ARK2N: variants seen among roughly 807,000 people sequenced by gnomAD.
ARK2N encodes the protein protein ARK2N.
At chr18:46,234,634 T>C in the ARK2N span, among the ~76,000 whole-genome samples, 2 of 152,098 alleles carry the variant, frequency 1.3e-5, no homozygotes, top group Non-Finnish European at 2.9e-5. Context: ...CCTCTTTCCC[T>C]CAGTCCCTCA....
At chr18:46,232,581 A>T in the ARK2N span, 2 of 152,180 alleles carry the variant, frequency 1.3e-5, no homozygotes, top group African/African-American at 4.8e-5. Context: ...AGTAACAGGG[A>T]ATAACTTCCA....
the ARK2N span, among the ~76,000 whole-genome samples, chr18:46,224,212 A>G: frequency 1.3e-5 from 2 of 152,208 alleles, no homozygotes. Flanking sequence ...TGTGCTCTCC[A>G]GAGGGGAAGG....
the ARK2N span, among the ~76,000 whole-genome samples, chr18:46,247,143 T>C: frequency 2.0e-5 from 3 of 152,128 alleles, no homozygotes; most frequent in Non-Finnish European, 2.9e-5. Context: ...TGAATAAAGT[T>C]AGAAGAATCT....
chr18:46,204,941 ATTTT>A, the ARK2N span, among the ~76,000 whole-genome samples: 2 of 81,466 alleles, frequency 2.5e-5, no homozygotes, highest in African/African-American at 9.0e-5. Context: ...TTTTTTTTTT[ATTTT>A]TTTTATTTTT....
the ARK2N span, among the ~76,000 whole-genome samples, chr18:46,246,227 C>T: frequency 6.6e-5 from 10 of 152,064 alleles, no homozygotes; most frequent in Admixed American, 2.0e-4. Context: ...CCTGTGAAGT[C>T]CTCCATGGGG....
At chr18:46,234,144 C>T in the ARK2N span, among the ~76,000 whole-genome samples, 2 of 152,112 alleles carry the variant, frequency 1.3e-5, no homozygotes, top group African/African-American at 4.8e-5. Flanking sequence ...GATATTTTTA[C>T]ACTTGATCTT....
the ARK2N span, among the ~76,000 whole-genome samples, chr18:46,179,765 AC>A: frequency 2.0e-5 from 3 of 151,986 alleles, no homozygotes; most frequent in Non-Finnish European, 4.4e-5. Flanking sequence ...AGCTGGGATT[AC>A]AGTCATGTGC....
At chr18:46,182,701 T>TTTTTTA in the ARK2N span, among the ~76,000 whole-genome samples, 1 of 149,384 alleles carries the variant, frequency 6.7e-6, no homozygotes, top group Non-Finnish European at 1.5e-5. Context: ...TTTTTTTTTT[T>TTTTTTA]TTTGCATTTG....
chr18:46,202,294 T>C, the ARK2N span, among the ~76,000 whole-genome samples: 93,362 of 152,072 alleles, frequency 0.61, 31,201 homozygotes, highest in Non-Finnish European at 0.74. Flanking sequence ...CCTCAGGATC[T>C]GATTGCCCTT....
the ARK2N span, among the ~76,000 whole-genome samples, chr18:46,257,226 G>T: frequency 6.6e-6 from 1 of 152,124 alleles, no homozygotes; most frequent in Non-Finnish European, 1.5e-5. Flanking sequence ...CTCTGGAATT[G>T]TGGCTGCCCT....
the ARK2N span, among the ~76,000 whole-genome samples, chr18:46,202,524 T>C: frequency 1.3e-5 from 2 of 151,974 alleles, no homozygotes; most frequent in Non-Finnish European, 2.9e-5. Flanking sequence ...TTTGAAGAGA[T>C]TGTGTAGACT....
the ARK2N span, among the ~76,000 whole-genome samples, chr18:46,199,851 A>C: frequency 2.6e-5 from 4 of 152,146 alleles, no homozygotes; most frequent in Admixed American, 2.0e-4. Flanking sequence ...GTTTGGTTCT[A>C]TAGGACATCT....
At chr18:46,197,417 A>G in the ARK2N span, among the ~76,000 whole-genome samples, 4 of 152,112 alleles carry the variant, frequency 2.6e-5, no homozygotes, top group Non-Finnish European at 5.9e-5. Flanking sequence ...TATTTTTAGT[A>G]GAAACGGGGT....
chr18:46,216,318 A>G, the ARK2N span: 9 of 1,613,910 alleles, frequency 5.6e-6, no homozygotes, highest in Admixed American at 1.3e-4. This position sits in a 1 kb window ranked among gnomAD's most constrained non-coding sequence, Gnocchi z 4.3. Flanking sequence ...CCCGATCTGA[A>G]AGTGAAACTT....
chr18:46,253,597 G>T, the ARK2N span: 1 of 1,419,734 alleles, frequency 7.0e-7, no homozygotes, highest in South Asian at 1.4e-5. Context: ...TTCTGTTTCT[G>T]TGACTAAACC....
At chr18:46,259,500 C>T in the ARK2N span, among the ~76,000 whole-genome samples, 1 of 152,106 alleles carries the variant, frequency 6.6e-6, no homozygotes, top group Non-Finnish European at 1.5e-5. Context: ...CCTCGGCCTC[C>T]CAAGGTGCTG....
the ARK2N span, among the ~76,000 whole-genome samples, chr18:46,241,862 G>A: frequency 7.2e-5 from 11 of 152,192 alleles, no homozygotes; most frequent in African/African-American, 2.4e-4. Context: ...TGTTGCCCAA[G>A]CCAGAGTGCA....
At chr18:46,231,218 C>G in the ARK2N span, among the ~76,000 whole-genome samples, 1 of 152,068 alleles carries the variant, frequency 6.6e-6, no homozygotes, top group Non-Finnish European at 1.5e-5. Flanking sequence ...GAGTAGCATA[C>G]AAATTATTTG....
the ARK2N span, among the ~76,000 whole-genome samples, chr18:46,235,011 G>GACTT: frequency 6.6e-6 from 1 of 152,162 alleles, no homozygotes; most frequent in South Asian, 2.1e-4. Flanking sequence ...TTGTGCCTTA[G>GACTT]ACTTAGCAAT....
Sources: allele counts gnomAD v4.1 joint callset (sites outside exome capture counted in the v4.1 genomes callset), GRCh38; gene constraint gnomAD v4.1.1; non-coding constraint Gnocchi (gnomAD v3.1); transcripts MANE v1.5; gene names NCBI Gene and HGNC (gene_info 2026-07-23, HGNC 2026-07-21).